TAFA4: variants seen among roughly 807,000 people sequenced by gnomAD.
TAFA4 encodes the protein TAFA chemokine like family member 4.
TAFA4 carries 20 observed loss-of-function variants against 21.1 expected under a neutral mutation model. The ratio of observed to expected loss-of-function variants is 0.95; its 90% CI spans 0.67 to 1.38. TAFA4 has a LOEUF of 1.38. Among genes scored for constraint, TAFA4 ranks in the 40% most tolerant of loss-of-function variants. The pLI is 0.00. For missense variants in TAFA4, 211 were observed against 180.9 expected (o/e 1.17, Z -0.95); for synonymous variants, 71 against 67.4 (o/e 1.05, Z -0.26).
intron 3 of TAFA4, among the ~76,000 whole-genome samples, chr3:68,856,248 C>T (rs1206120230): frequency 2.6e-5 from 4 of 152,008 alleles, no homozygotes; most frequent in Non-Finnish European, 1.5e-5. Flanking sequence ...AGGAGCATGG[C>T]GGGAGAGGAA....
intron 3 of TAFA4, among the ~76,000 whole-genome samples, chr3:68,801,447 A>G (rs1482184389): frequency 6.6e-6 from 1 of 152,214 alleles, no homozygotes; most frequent in Non-Finnish European, 1.5e-5. Context: ...AGTGGCTAAC[A>G]TAAAAAGCTG....
At chr3:68,759,045 A>T (rs1702712694) in intron 3 of TAFA4, among the ~76,000 whole-genome samples, 1 of 152,214 alleles carries the variant, frequency 6.6e-6, no homozygotes, top group Admixed American at 6.5e-5. Context: ...CAATGGTGTC[A>T]TTCCCATCTG....
chr3:68,856,453 C>T lies in TAFA4; in HGVS notation c.130+24277G>A, dbSNP rs549642205. Among the ~76,000 whole-genome samples, 57 of 152,232 alleles carry T rather than the reference C, an allele frequency of 3.7e-4. 1 individual carries two copies. Among genetic ancestry groups the T allele is most frequent in the African/African-American group, 1.2e-3 (49 of 41,554 alleles). Reference sequence around the variant, plus strand: ...ACTCTCCAAAGATTATATTCCCAAACGCTTTACCTATTCCCTCTTAGAAAA... The same window carrying T: ...ACTCTCCAAAGATTATATTCCCAAATGCTTTACCTATTCCCTCTTAGAAAA... On this transcript the variant is annotated intron_variant, in intron 3 of 5. Coordinates refer to ENST00000295569, the MANE Select transcript of TAFA4 (RefSeq NM_182522.5).
chr3:68,834,356 T>C (rs1250632365), intron 3 of TAFA4, among the ~76,000 whole-genome samples: 1 of 152,190 alleles, frequency 6.6e-6, no homozygotes, highest in Non-Finnish European at 1.5e-5. Context: ...ATTATACAGC[T>C]GAAATTTCAG....
intron 3 of TAFA4, among the ~76,000 whole-genome samples, chr3:68,856,829 T>A (rs1346761962): frequency 6.6e-6 from 1 of 151,964 alleles, no homozygotes; most frequent in African/African-American, 2.4e-5. Context: ...AGCACTGTTG[T>A]ATGGAGGGGA....
chr3:68,766,642 TCCCCGA>T (rs2106775750), intron 3 of TAFA4, among the ~76,000 whole-genome samples: 1 of 151,204 alleles, frequency 6.6e-6, no homozygotes, highest in East Asian at 1.9e-4. Context: ...AATCCAGATG[TCCCCGA>T]ATCCTATTTC....
At chr3:68,873,228 C>T (rs2089506778) in intron 3 of TAFA4, among the ~76,000 whole-genome samples, 1 of 151,892 alleles carries the variant, frequency 6.6e-6, no homozygotes, top group South Asian at 2.1e-4. Flanking sequence ...GAGAGGCTAA[C>T]AACCTTGCTC....
At chr3:68,833,818 AAC>A (rs2106882801) in intron 3 of TAFA4, among the ~76,000 whole-genome samples, 1 of 152,328 alleles carries the variant, frequency 6.6e-6, no homozygotes, top group East Asian at 1.9e-4. Flanking sequence ...ATAGCAGAGG[AAC>A]ATGAGGCCAG....
chr3:68,827,103 T>A (rs1232500742), intron 3 of TAFA4, among the ~76,000 whole-genome samples: 1 of 151,040 alleles, frequency 6.6e-6, no homozygotes, highest in African/African-American at 2.4e-5. Flanking sequence ...TTCTCATTAT[T>A]CAGCTCCCAC....
intron 1 of TAFA4, among the ~76,000 whole-genome samples, chr3:68,904,653 AC>A (rs2089880630): frequency 6.6e-6 from 1 of 152,176 alleles, no homozygotes; most frequent in Admixed American, 6.5e-5. Context: ...CATGATCAAG[AC>A]TGCTGATATG....
chr3:68,753,056 G>A, intron 3 of TAFA4, 38 bp from the exon 4 acceptor site: 1 of 1,591,818 alleles, frequency 6.3e-7, no homozygotes, highest in Non-Finnish European at 8.6e-7. Flanking sequence ...ACCCAGTGCT[G>A]TTAGAAGGAA....
chr3:68,733,626 T>C (rs1559752255), intron 5 of TAFA4, among the ~76,000 whole-genome samples: 1 of 152,180 alleles, frequency 6.6e-6, no homozygotes, highest in Non-Finnish European at 1.5e-5. Flanking sequence ...AAAAAGGTAG[T>C]GGTTGTATTT....
At chr3:68,803,808 T>TTTTA (rs1703627292) in intron 3 of TAFA4, among the ~76,000 whole-genome samples, 1 of 135,244 alleles carries the variant, frequency 7.4e-6, no homozygotes, top group Non-Finnish European at 1.6e-5. Context: ...TTTTTTTTTT[T>TTTTA]TTTTTTTTTT....
chr3:68,845,424 G>A (rs190003362), intron 3 of TAFA4, among the ~76,000 whole-genome samples: 2 of 152,118 alleles, frequency 1.3e-5, no homozygotes, highest in South Asian at 2.1e-4. Flanking sequence ...TTGCACATGA[G>A]ATGGGTCTCC....
intron 5 of TAFA4, among the ~76,000 whole-genome samples, chr3:68,736,452 T>C (rs1186235671): frequency 6.6e-6 from 1 of 152,166 alleles, no homozygotes; most frequent in Admixed American, 6.6e-5. Flanking sequence ...AAGCTATTAA[T>C]ATTCAAGTTA....
At chr3:68,889,285 C>T (rs1414269807) in intron 1 of TAFA4, among the ~76,000 whole-genome samples, 1 of 152,152 alleles carries the variant, frequency 6.6e-6, no homozygotes, top group African/African-American at 2.4e-5. Flanking sequence ...GAGCAGAAAG[C>T]CTATTTATGT....
chr3:68,759,272 C>G (rs896830504), intron 3 of TAFA4, among the ~76,000 whole-genome samples: 2 of 152,148 alleles, frequency 1.3e-5, no homozygotes, highest in Non-Finnish European at 2.9e-5. Flanking sequence ...TCCATTGATT[C>G]AAATGTTAAT....
chr3:68,739,718 T>C (rs1157452883), intron 4 of TAFA4, among the ~76,000 whole-genome samples: 3 of 152,222 alleles, frequency 2.0e-5, no homozygotes, highest in African/African-American at 7.2e-5. Flanking sequence ...TCCTGTCTTT[T>C]ACAGCACCAT....
At chr3:68,785,798 T>C (rs1000888035) in intron 3 of TAFA4, among the ~76,000 whole-genome samples, 6 of 151,784 alleles carry the variant, frequency 4.0e-5, no homozygotes, top group African/African-American at 1.5e-4. Flanking sequence ...TGAGCGAGAG[T>C]GAGCGAGGGC....
Sources: allele counts gnomAD v4.1 joint callset (sites outside exome capture counted in the v4.1 genomes callset), GRCh38; gene constraint gnomAD v4.1.1; transcripts MANE v1.5; gene names NCBI Gene and HGNC (gene_info 2026-07-23, HGNC 2026-07-21).